The following KLRG2 variants were observed in gnomAD, a reference collection of about 807,000 sequenced individuals.
KLRG2 encodes the protein killer cell lectin like receptor G2, also known as killer cell lectin-like receptor subfamily G member 2.
KLRG2 carries 39 observed loss-of-function variants against 35.4 expected under a neutral mutation model. That is an observed-to-expected ratio of 1.10 (90% CI 0.85 to 1.44). The LOEUF (loss-of-function observed/expected upper bound fraction) is 1.44. Among genes scored for constraint, KLRG2 ranks in the 40% most tolerant of loss-of-function variants. The pLI is 0.00. For missense variants in KLRG2, 632 were observed against 570.9 expected (o/e 1.11, Z -1.09); for synonymous variants, 283 against 265.8 (o/e 1.06, Z -0.63).
Position 139,466,877 on chromosome 7 carries a change from C to T in KLRG2, c.1006-12663G>A, listed in dbSNP as rs74544294. ...AAAGCTCAAAGATAGAGCCTAAAAA[C>T]TTGCCAACCAAGCAAGTAATTAGGC... is the stretch of plus-strand genomic sequence containing the variant. On this transcript the variant is annotated intron_variant, in intron 3 of 4. Coordinates refer to ENST00000340940, the MANE Select transcript of KLRG2 (RefSeq NM_198508.4). Among the ~76,000 whole-genome samples the T allele has an allele frequency of 5.6e-3, 824 of 147,760 alleles. 9 individuals are homozygous for T. The highest frequency in any genetic ancestry group is 0.019 in the African/African-American group (789 of 40,552).
chr7:139,430,935 G>C, the KLRG2 span, among the ~76,000 whole-genome samples: 1 of 151,530 alleles, frequency 6.6e-6, no homozygotes, highest in Non-Finnish European at 1.5e-5. Context: ...CTTGAACCGG[G>C]GAGGGGGAGG....
chr7:139,451,136 C>G (rs1796370247), downstream of KLRG2, among the ~76,000 whole-genome samples: 1 of 152,174 alleles, frequency 6.6e-6, no homozygotes, highest in Non-Finnish European at 1.5e-5. Flanking sequence ...ACTGGCTGGT[C>G]AATCCATAGA....
the KLRG2 span, among the ~76,000 whole-genome samples, chr7:139,428,882 A>G: frequency 0.02 from 3,065 of 152,300 alleles, 43 homozygotes; most frequent in Non-Finnish European, 0.032. Flanking sequence ...AAATAGTTCA[A>G]CAATTTGATA....
chr7:139,447,084 T>C, the KLRG2 span, among the ~76,000 whole-genome samples: 128 of 152,312 alleles, frequency 8.4e-4, 1 homozygote, highest in South Asian at 0.024. Flanking sequence ...TGGTGTTTAC[T>C]CCAGAGCTTA....
At chr7:139,432,132 G>T in the KLRG2 span, among the ~76,000 whole-genome samples, 32 of 152,022 alleles carry the variant, frequency 2.1e-4, no homozygotes, top group African/African-American at 7.5e-4. Flanking sequence ...AAGGCAGGAG[G>T]ATTGCTTGAG....
At chr7:139,460,994 G>T (rs1796559240) in intron 3 of KLRG2, among the ~76,000 whole-genome samples, 1 of 151,746 alleles carries the variant, frequency 6.6e-6, no homozygotes, top group African/African-American at 2.4e-5. Context: ...GGGCGAGGGG[G>T]CTCACGCCTT....
chr7:139,427,594 A>G, the KLRG2 span, among the ~76,000 whole-genome samples: 13 of 152,190 alleles, frequency 8.5e-5, no homozygotes, highest in Non-Finnish European at 1.0e-4. Context: ...AATGGGCTTA[A>G]ACTCTGAAGG....
downstream of KLRG2, among the ~76,000 whole-genome samples, chr7:139,450,515 G>A (rs1406377917): frequency 6.6e-6 from 1 of 152,140 alleles, no homozygotes; most frequent in Non-Finnish European, 1.5e-5. Flanking sequence ...GAGCCACTGC[G>A]CCTAGCCATA....
At chr7:139,457,035 A>G (rs1796489726) in intron 3 of KLRG2, among the ~76,000 whole-genome samples, 1 of 152,210 alleles carries the variant, frequency 6.6e-6, no homozygotes, top group African/African-American at 2.4e-5. Flanking sequence ...GGTTAGCACC[A>G]GTCAGTTAAC....
downstream of KLRG2, among the ~76,000 whole-genome samples, chr7:139,451,779 C>A (rs1447418954): frequency 6.6e-6 from 1 of 151,994 alleles, no homozygotes; most frequent in Non-Finnish European, 1.5e-5. Flanking sequence ...ACTGAGAAGG[C>A]TAGATAAGGT....
the KLRG2 span, among the ~76,000 whole-genome samples, chr7:139,441,735 T>C: frequency 1.3e-5 from 2 of 152,146 alleles, no homozygotes; most frequent in Non-Finnish European, 2.9e-5. Context: ...ATTGTGCCAT[T>C]GCACTGCAGC....
chr7:139,446,006 T>C, the KLRG2 span, among the ~76,000 whole-genome samples: 1 of 151,684 alleles, frequency 6.6e-6, no homozygotes, highest in Non-Finnish European at 1.5e-5. Context: ...TAATGTTTTG[T>C]ATTTTTAGTA....
At chr7:139,440,144 C>A in the KLRG2 span, among the ~76,000 whole-genome samples, 2 of 152,156 alleles carry the variant, frequency 1.3e-5, no homozygotes, top group African/African-American at 2.4e-5. Context: ...GAGTCTTGCT[C>A]TGTCGCCCAG....
intron 3 of KLRG2, among the ~76,000 whole-genome samples, chr7:139,469,975 G>A (rs1364830146): frequency 6.6e-6 from 1 of 152,084 alleles, no homozygotes; most frequent in Non-Finnish European, 1.5e-5. Flanking sequence ...ATAAGAGGTG[G>A]ACAACCAAAG....
chr7:139,429,675 A>G, the KLRG2 span, among the ~76,000 whole-genome samples: 1 of 152,078 alleles, frequency 6.6e-6, no homozygotes, highest in Non-Finnish European at 1.5e-5. Context: ...TGTTTCAGAG[A>G]GCACAGGGTT....
chr7:139,457,784 TC>T (rs1387777857), intron 3 of KLRG2, among the ~76,000 whole-genome samples: 2 of 152,146 alleles, frequency 1.3e-5, no homozygotes, highest in Non-Finnish European at 2.9e-5. Context: ...ATTCCATTCT[TC>T]TTTTCCTTGC....
the KLRG2 span, among the ~76,000 whole-genome samples, chr7:139,434,458 G>T: frequency 6.6e-6 from 1 of 152,136 alleles, no homozygotes; most frequent in South Asian, 2.1e-4. Context: ...CCTTTACACG[G>T]CAGTCATCTT....
the KLRG2 span, among the ~76,000 whole-genome samples, chr7:139,445,793 G>GTATATATATATATGTA: frequency 2.1e-5 from 2 of 95,574 alleles, no homozygotes; most frequent in African/African-American, 8.3e-5. Flanking sequence ...ATATATATAT[G>GTATATATATATATGTA]TGTGTATATA....
At position 139,483,191 on chromosome 7, in the gene KLRG2, A is replaced by G. The variant is rs1411246303; in HGVS notation, c.452T>C (p.Leu151Pro). Residue 151 changes from leucine (L) to proline (P), a missense_variant, in exon 1 of 5, where the codon CTC (leucine) becomes CCC (proline). By Grantham distance (98) the Leu-to-Pro change is moderately conservative. Coordinates refer to ENST00000340940, the MANE Select transcript of KLRG2 (RefSeq NM_198508.4). ...TPSPRPSTRF[L>P]KVPVPESPAF... ...AGGGGACTCGGGCACCGGCACCTTG[A>G]GGAAGCGCGTGGAGGGCCTGGGCGA... The G allele has an allele frequency of 1.3e-6, 2 of 1,512,414 alleles. No individual in the cohort carries two copies. The highest frequency in any genetic ancestry group is 1.8e-6 in the Non-Finnish European group (2 of 1,139,028). The allele number at this position is 1,512,414 out of a possible 1,614,324, so 93.7% of individuals were successfully genotyped here. A position where few individuals can be genotyped will look rare whatever the true frequency, so the allele number is the denominator to read the frequency against.
Sources: gnomAD v4.1 joint callset for allele counts (sites outside exome capture counted in the v4.1 genomes callset) on GRCh38, gnomAD v4.1.1 for gene constraint, MANE v1.5 for transcripts, NCBI Gene and HGNC (gene_info 2026-07-23, HGNC 2026-07-21) for gene names.